The following RBMS2 variants were observed in gnomAD, a reference collection of about 807,000 sequenced individuals.
The protein encoded by RBMS2 is RNA-binding motif, single-stranded-interacting protein 2.
In RBMS2, 38 loss-of-function variants were observed where a neutral mutation model predicts 58.4. The observed-to-expected ratio is 0.65, with a 90% CI of 0.50 to 0.85. The LOEUF is 0.85. Among genes scored for constraint, RBMS2 ranks in the 40% least tolerant of loss-of-function variants. RBMS2 has a pLI of 0.00. For missense variants in RBMS2, 367 were observed against 503.7 expected (o/e 0.73, Z 2.60); for synonymous variants, 151 against 180.7 (o/e 0.84, Z 1.32).
chr12:56,562,593 A>C lies in RBMS2; in HGVS notation c.233+10A>C. ...TCAAGCTGTGTCAGCCGTAAGTTGG[A>C]GTACATGTGCGTAGGCTTCCAGGGA... On this transcript the variant is annotated intron_variant, in intron 2 of 13. Coordinates refer to ENST00000262031, the MANE Select transcript of RBMS2 (RefSeq NM_002898.4). 3 of 1,611,094 alleles carry C rather than the reference A, an allele frequency of 1.9e-6. No individual in the cohort carries two copies. The highest frequency in any genetic ancestry group is 2.5e-6 in the Non-Finnish European group (3 of 1,177,276).
At chr12:56,555,362 C>T (rs954497663) in intron 1 of RBMS2, among the ~76,000 whole-genome samples, 2 of 151,258 alleles carry the variant, frequency 1.3e-5, no homozygotes, top group Non-Finnish European at 2.9e-5. Context: ...ATCACTTGAA[C>T]CCAGGAGGCG....
At chr12:56,533,197 C>T (rs1052945729) in intron 1 of RBMS2, among the ~76,000 whole-genome samples, 3 of 151,942 alleles carry the variant, frequency 2.0e-5, no homozygotes, top group Non-Finnish European at 1.5e-5. Context: ...AACTCCTGGG[C>T]TCCTGTGATC....
intron 10 of RBMS2, 40 bp downstream of exon 10, chr12:56,586,966 T>C (rs758358369): frequency 1.3e-6 from 2 of 1,580,932 alleles, no homozygotes; most frequent in South Asian, 2.2e-5. Flanking sequence ...AGAGGCAATT[T>C]GATGTAAAGA....
intron 1 of RBMS2, among the ~76,000 whole-genome samples, chr12:56,550,417 T>G (rs1205434131): frequency 1.3e-5 from 2 of 151,992 alleles, no homozygotes; most frequent in African/African-American, 2.4e-5. Context: ...GTAGTCTCAG[T>G]TACTCAGGAG....
intron 1 of RBMS2, among the ~76,000 whole-genome samples, chr12:56,540,180 C>A (rs1196653600): frequency 6.6e-6 from 1 of 151,986 alleles, no homozygotes; most frequent in Non-Finnish European, 1.5e-5. Flanking sequence ...TTTATTAGGG[C>A]CAGAGCCATG....
At chr12:56,543,678 CG>C (rs1410241650) in intron 1 of RBMS2, among the ~76,000 whole-genome samples, 1 of 149,836 alleles carries the variant, frequency 6.7e-6, no homozygotes, top group Non-Finnish European at 1.5e-5. Context: ...TTTTTGGAGG[CG>C]GGGGTGGAGT....
chr12:56,561,846 C>G (rs7134789), intron 1 of RBMS2, among the ~76,000 whole-genome samples: 2 of 149,924 alleles, frequency 1.3e-5, no homozygotes, highest in Non-Finnish European at 3.0e-5. Context: ...AACGTGCTGT[C>G]GCCCAGGCTG....
At chr12:56,535,736 G>A (rs1470131451) in intron 1 of RBMS2, among the ~76,000 whole-genome samples, 2 of 152,040 alleles carry the variant, frequency 1.3e-5, no homozygotes, top group Non-Finnish European at 2.9e-5. Context: ...ACTGTTCTCT[G>A]TCTCAGTAAA....
At chr12:56,545,344 T>C (rs1169357179) in intron 1 of RBMS2, among the ~76,000 whole-genome samples, 2 of 152,184 alleles carry the variant, frequency 1.3e-5, no homozygotes, top group Non-Finnish European at 2.9e-5. Flanking sequence ...TTCCGTATCT[T>C]TGCATTTGCA....
intron 1 of RBMS2, among the ~76,000 whole-genome samples, chr12:56,528,406 TTGA>T (rs1873079882): frequency 6.6e-6 from 1 of 152,100 alleles, no homozygotes; most frequent in South Asian, 2.1e-4. Context: ...TTGGAATAGG[TTGA>T]TGAGTGAAAA....
intron 1 of RBMS2, 70 bp from the exon 2 acceptor site, chr12:56,562,347 C>G: frequency 7.0e-7 from 1 of 1,432,634 alleles, no homozygotes; most frequent in Non-Finnish European, 9.7e-7. Context: ...TTCAAGAGGT[C>G]CAGGATCTTC....
At chr12:56,536,313 A>G (rs973832708) in intron 1 of RBMS2, among the ~76,000 whole-genome samples, 1 of 151,244 alleles carries the variant, frequency 6.6e-6, no homozygotes, top group African/African-American at 2.4e-5. Context: ...TTGTAGTGAT[A>G]GGGTTTCACC....
At chr12:56,525,438 T>C (rs926780314) in intron 1 of RBMS2, among the ~76,000 whole-genome samples, 2 of 151,900 alleles carry the variant, frequency 1.3e-5, no homozygotes, top group African/African-American at 4.8e-5. Flanking sequence ...CCCAGGCTGG[T>C]CTTGAACTCC....
In RBMS2 at chr12:56,587,618, C is replaced by T. The variant is rs1304280681; in HGVS notation, c.1016C>T (p.Pro339Leu). 2 of 1,613,890 alleles carry T rather than the reference C, an allele frequency of 1.2e-6. No homozygotes were observed. Among genetic ancestry groups the T allele is most frequent in the East Asian group, 2.2e-5 (1 of 44,886 alleles). The change falls in exon 11 of 14, where the codon CCC (proline) becomes CTC (leucine). Residue 339 changes from proline (P) to leucine (L), a missense_variant. This residue lies in a region of RBMS2 where 220 missense variants were observed against 261.1 expected (regional missense o/e 0.84). Coordinates refer to ENST00000262031, the MANE Select transcript of RBMS2 (RefSeq NM_002898.4). ...ISLQPASMMG[P>L]LTQQLGHLSL... ...CTCCAGCCTGCCTCCATGATGGGAC[C>T]CCTTACCCAGCAACTGGGCCATCTC...
At chr12:56,578,843 T>C (rs1475497960) in intron 5 of RBMS2, among the ~76,000 whole-genome samples, 2 of 152,080 alleles carry the variant, frequency 1.3e-5, no homozygotes, top group Non-Finnish European at 2.9e-5. Context: ...CTCATGCCTG[T>C]AATCCCAGCT....
chr12:56,542,395 T>C (rs908433287), intron 1 of RBMS2, among the ~76,000 whole-genome samples: 11 of 72,380 alleles, frequency 1.5e-4, no homozygotes, highest in Non-Finnish European at 2.6e-4. Flanking sequence ...TCAGGTAAAA[T>C]GGTAAACTAA....
intron 1 of RBMS2, among the ~76,000 whole-genome samples, chr12:56,546,564 A>T (rs1877290177): frequency 6.6e-6 from 1 of 151,670 alleles, no homozygotes; most frequent in Non-Finnish European, 1.5e-5. Context: ...AGATCTCCTG[A>T]CCTTGTGATC....
intron 1 of RBMS2, among the ~76,000 whole-genome samples, chr12:56,557,036 C>G (rs920799564): frequency 6.6e-6 from 1 of 152,010 alleles, no homozygotes; most frequent in Admixed American, 6.6e-5. Context: ...ATTGCCTACC[C>G]TAGCCTTCAT....
intron 1 of RBMS2, among the ~76,000 whole-genome samples, chr12:56,543,328 C>T (rs758923054): frequency 2.6e-5 from 4 of 151,154 alleles, no homozygotes; most frequent in East Asian, 2.0e-4. Flanking sequence ...ACTAAAAATA[C>T]GAAAAAATTA....
Sources: allele counts gnomAD v4.1 joint callset (sites outside exome capture counted in the v4.1 genomes callset), GRCh38; gene constraint gnomAD v4.1.1; regional missense constraint gnomAD v4.1.1; transcripts MANE v1.5; gene names NCBI Gene and HGNC (gene_info 2026-07-23, HGNC 2026-07-21).